The following TPO variants were observed in gnomAD, a reference collection of about 807,000 sequenced individuals.
TPO encodes thyroid microsomal antigen.
In TPO, 78 loss-of-function variants were observed where a neutral mutation model predicts 96.9. The observed-to-expected ratio is 0.81, with a 90% CI of 0.67 to 0.97. The LOEUF (loss-of-function observed/expected upper bound fraction) is 0.97. Among genes scored for constraint, TPO ranks in the 50% least tolerant of loss-of-function variants. The probability of loss-of-function intolerance (pLI) is 0.00; values close to 1 mark genes in which losing one functional copy is unlikely to be tolerated. For synonymous variants in TPO, 547 were observed against 538.0 expected (o/e 1.02, Z -0.23); for missense variants, 1,252 against 1,274.8 (o/e 0.98, Z 0.27).
chr2:1,528,748 ACACTGTGTGCAGCCTCCTCAAATCCCCC>A (rs1432842068), intron 15 of TPO, among the ~76,000 whole-genome samples: 2,598 of 26,338 alleles, frequency 0.099, 63 homozygotes, highest in African/African-American at 0.18. Context: ...CAAATCCCCC[ACACTGTGTGCAGCCTCCTCAAATCCCCC>A]CACTGTGTGC....
Position 1,485,778 on chromosome 2 carries a change from T to G in TPO, c.1597+924T>G, listed in dbSNP as rs1176156598. 3.3e-5 allele frequency among the ~76,000 whole-genome samples: 5 copies of G among 152,208 alleles called. No individual in the cohort carries two copies. The East Asian group carries it at 9.6e-4, about 29-fold the overall frequency. On this transcript the variant is annotated intron_variant, in intron 9 of 16. Transcript: ENST00000329066. Reference sequence around the variant, plus strand: ...TTTGTTTTTTCCTTGTAAATTGGTTTGCATTTTTTGTAGATTCTGGATATT... The same window carrying G: ...TTTGTTTTTTCCTTGTAAATTGGTTGGCATTTTTTGTAGATTCTGGATATT...
chr2:1,495,506 A>G (rs1193541827), intron 11 of TPO, among the ~76,000 whole-genome samples: 1 of 152,254 alleles, frequency 6.6e-6, no homozygotes, highest in Non-Finnish European at 1.5e-5. Context: ...AGCACCCTCT[A>G]AAATAGCTGG....
intron 1 of TPO, among the ~76,000 whole-genome samples, chr2:1,386,896 G>A (rs1195413708): frequency 6.6e-6 from 1 of 152,126 alleles, no homozygotes; most frequent in African/African-American, 2.4e-5. Context: ...AACTCTTTTA[G>A]GGCAGGCCTG....
chr2:1,389,438 G>C (rs1661962229), intron 1 of TPO, among the ~76,000 whole-genome samples: 1 of 152,164 alleles, frequency 6.6e-6, no homozygotes, highest in Non-Finnish European at 1.5e-5. Flanking sequence ...TGGAATCTCA[G>C]TTTCACTTAC....
At chr2:1,482,143 G>C (rs1670707173) in intron 8 of TPO, among the ~76,000 whole-genome samples, 1 of 152,236 alleles carries the variant, frequency 6.6e-6, no homozygotes, top group African/African-American at 2.4e-5. Flanking sequence ...GAGTCAGAAA[G>C]TTCAGAGGAG....
chr2:1,431,162 C>A (rs1573151532), intron 3 of TPO, among the ~76,000 whole-genome samples: 1 of 146,940 alleles, frequency 6.8e-6, no homozygotes, highest in Non-Finnish European at 1.5e-5. Context: ...ATCACAAGGG[C>A]AAATCCCTGA....
chr2:1,505,501 A>ACCC (rs60247078), intron 14 of TPO, among the ~76,000 whole-genome samples: 1 of 42,786 alleles, frequency 2.3e-5, no homozygotes, highest in African/African-American at 9.4e-5. Context: ...TGTCAGGCAC[A>ACCC]CCCCCACCAC....
intron 1 of TPO, among the ~76,000 whole-genome samples, chr2:1,399,970 G>T (rs780443486): frequency 6.6e-6 from 1 of 152,178 alleles, no homozygotes; most frequent in East Asian, 1.9e-4. Flanking sequence ...ACCCATGGCC[G>T]CCACCCTTCC....
At chr2:1,375,279 TTGGTCG>T (rs1192711714) in intron 1 of TPO, among the ~76,000 whole-genome samples, 17 of 152,194 alleles carry the variant, frequency 1.1e-4, no homozygotes, top group Admixed American at 9.2e-4. Context: ...GAAACTCACC[TTGGTCG>T]TGAAAGGGAG....
chr2:1,419,816 G>A (rs1055990780), intron 2 of TPO, among the ~76,000 whole-genome samples: 1 of 152,214 alleles, frequency 6.6e-6, no homozygotes, highest in Non-Finnish European at 1.5e-5. Context: ...GCTCCCTCGT[G>A]GAAGCAGGAG....
chr2:1,396,279 A>G (rs1662079224), intron 1 of TPO, among the ~76,000 whole-genome samples: 1 of 152,198 alleles, frequency 6.6e-6, no homozygotes, highest in Non-Finnish European at 1.5e-5. Context: ...GAATTCTGGG[A>G]GTTGAAGGGC....
In TPO at chr2:1,494,191, C is replaced by T. The variant is rs1402836755; in HGVS notation, c.2006+152C>T. ...GTCAGGTTGTTTCTCCCACCCACAG[C>T]TTCTTTAACCTAGAACAGTGTTTTT... On this transcript the variant is annotated intron_variant, in intron 11 of 16. Coordinates refer to ENST00000329066, the MANE Select transcript of TPO (RefSeq NM_001206744.2). 4.9e-6 allele frequency: 4 copies of T among 814,770 alleles called. No homozygotes were observed. The East Asian group carries it at 7.7e-5, about 16-fold the overall frequency. The allele number at this position is 814,770 out of a possible 1,614,324, so 50.5% of individuals were successfully genotyped here. A position where few individuals can be genotyped will look rare whatever the true frequency, so the allele number is the denominator to read the frequency against.
intron 7 of TPO, among the ~76,000 whole-genome samples, chr2:1,457,723 G>A (rs1037765493): frequency 6.6e-6 from 1 of 152,128 alleles, no homozygotes; most frequent in Non-Finnish European, 1.5e-5. Context: ...GATACTGTGT[G>A]GTCACAAGTA....
intron 10 of TPO, among the ~76,000 whole-genome samples, chr2:1,488,594 G>A (rs28911489): frequency 2.0e-5 from 3 of 152,140 alleles, no homozygotes; most frequent in Admixed American, 2.0e-4. Context: ...CCTCCTCTGG[G>A]CTCCTAGGTG....
intron 1 of TPO, among the ~76,000 whole-genome samples, chr2:1,398,503 C>T (rs925279679): frequency 6.6e-6 from 1 of 152,208 alleles, no homozygotes; most frequent in Non-Finnish European, 1.5e-5. Context: ...GTTCTCAGAC[C>T]TCACCCAGTG....
At chr2:1,408,779 G>A (rs566131946), upstream of TPO, among the ~76,000 whole-genome samples, 30 of 152,318 alleles carry the variant, frequency 2.0e-4, no homozygotes, top group African/African-American at 6.0e-4. Flanking sequence ...AGGACACGGG[G>A]AAATGCAACT....
intron 15 of TPO, among the ~76,000 whole-genome samples, chr2:1,536,186 C>G (rs1325245178): frequency 2.7e-5 from 1 of 36,390 alleles, no homozygotes; most frequent in African/African-American, 1.0e-4. Flanking sequence ...CCCCCCAAAT[C>G]CCCCCACTGT....
intron 1 of TPO, 59 bp from the exon 2 acceptor site, chr2:1,414,349 G>A (rs572288436): frequency 2.9e-4 from 429 of 1,502,266 alleles, no homozygotes; most frequent in Non-Finnish European, 3.4e-4. Context: ...AGGACACAGC[G>A]GTTCCCATGG....
chr2:1,484,817 C>A lies in TPO; in HGVS notation c.1560C>A (p.His520Gln). Residue 520 changes from histidine to glutamine, a missense_variant, in exon 9 of 17, where the codon CAC becomes CAA. Coordinates refer to ENST00000329066, the MANE Select transcript of TPO (RefSeq NM_001206744.2). ...EHPDLPGLWL[H>Q]QAFFSPWTLL... Reference sequence around the variant, plus strand: ...CCGACCTGCCCGGGCTGTGGCTGCACCAGGCTTTCTTCAGCCCATGGACAT... The same window carrying A: ...CCGACCTGCCCGGGCTGTGGCTGCAACAGGCTTTCTTCAGCCCATGGACAT... 1 of 1,614,040 alleles carries A rather than the reference C, an allele frequency of 6.2e-7. No homozygotes were observed. Among genetic ancestry groups the A allele is most frequent in the Non-Finnish European group, 8.5e-7 (1 of 1,180,050 alleles).
Sources: gnomAD v4.1 joint callset for allele counts (sites outside exome capture counted in the v4.1 genomes callset) on GRCh38, gnomAD v4.1.1 for gene constraint, MANE v1.5 for transcripts, NCBI Gene and HGNC (gene_info 2026-07-23, HGNC 2026-07-21) for gene names.